The following UTP6 variants were observed in gnomAD, a reference collection of about 807,000 sequenced individuals.
UTP6 encodes UTP6 small subunit processome component.
In UTP6, 60 loss-of-function variants were observed where a neutral mutation model predicts 96.5. That is an observed-to-expected ratio of 0.62 (90% CI 0.51 to 0.77). The LOEUF is 0.77. UTP6 is among the 30% of genes least tolerant of loss of function. The pLI, the probability that UTP6 is intolerant of heterozygous loss-of-function variation, is 0.00. For synonymous variants in UTP6, 215 were observed against 240.1 expected, an observed-to-expected ratio of 0.90 and a Z score of 0.96; for missense variants, 637 against 706.5, an observed-to-expected ratio of 0.90 and a Z score of 1.12.
chr17:31,865,089 G>A (rs1244027814), intron 18 of UTP6, among the ~76,000 whole-genome samples: 1 of 152,184 alleles, frequency 6.6e-6, no homozygotes, highest in Non-Finnish European at 1.5e-5. Flanking sequence ...TATAATCTCA[G>A]CTCACTGCAA....
chr17:31,875,192 G>C (rs745428443), intron 14 of UTP6, 42 bp downstream of exon 14: 3 of 1,607,452 alleles, frequency 1.9e-6, no homozygotes, highest in Non-Finnish European at 1.7e-6. Context: ...GTCTTAAAAG[G>C]TTTCCCAAAT....
chr17:31,879,671 C>CA (rs1180283647), intron 11 of UTP6, among the ~76,000 whole-genome samples: 7 of 148,894 alleles, frequency 4.7e-5, no homozygotes, highest in South Asian at 2.1e-4. Flanking sequence ...GATCCTGTCT[C>CA]AAAAAAAAAC....
rs769640173 is a variant in UTP6, at chr17:31,868,100, G to A, written c.1509C>T (p.Ser503=). ...ARAVFKSLQE[S]RPFSVDFFRK... ...TGAAAAAGTCAACTGAAAATGGTCG[G>A]CTCTCCTGTAAACTAAAAAGGAAGG... is the stretch of plus-strand genomic sequence containing the variant. The change falls in exon 17 of 19, where the codon AGC becomes AGT. Residue 503 remains serine (S), a synonymous_variant. Transcript: ENST00000261708. 6.2e-7 allele frequency: 1 copy of A among 1,612,914 alleles called. No homozygotes were observed. The highest frequency in any genetic ancestry group is 8.5e-7 in the Non-Finnish European group (1 of 1,179,342).
chr17:31,882,119 CTCCTGGG>C lies in UTP6; in HGVS notation c.786-1372_786-1366del, dbSNP rs1437871147. Among the ~76,000 whole-genome samples, 12 of 152,308 alleles carry C rather than the reference CTCCTGGG, an allele frequency of 7.9e-5. No individual in the cohort carries two copies. The East Asian group carries it at 2.3e-3, about 29-fold the overall frequency. ...GATCTCAACTCACTATAACCTCCGC[CTCCTGGG>C]TTCAAGCGATTCTCCTGCCTCAGCC... On this transcript the variant is annotated intron_variant, in intron 10 of 18. Transcript: ENST00000261708.
chr17:31,879,486 A>G (rs1910699357), intron 11 of UTP6, among the ~76,000 whole-genome samples: 1 of 152,090 alleles, frequency 6.6e-6, no homozygotes, highest in Admixed American at 6.6e-5. Flanking sequence ...CCTGGGCAAC[A>G]TGGCAAAACT....
At chr17:31,871,873 C>T (rs1057381411) in intron 16 of UTP6, among the ~76,000 whole-genome samples, 2 of 151,762 alleles carry the variant, frequency 1.3e-5, no homozygotes, top group Admixed American at 1.3e-4. Flanking sequence ...GCCTGGGCAA[C>T]AGAGCAAGAC....
intron 4 of UTP6, among the ~76,000 whole-genome samples, chr17:31,893,952 T>C (rs1250913614): frequency 6.6e-6 from 1 of 151,870 alleles, no homozygotes; most frequent in East Asian, 1.9e-4. Flanking sequence ...ATATAAAATT[T>C]GTCATTACCA....
chr17:31,864,960 GT>G (rs1909731388), intron 18 of UTP6, among the ~76,000 whole-genome samples: 1 of 152,032 alleles, frequency 6.6e-6, no homozygotes, highest in African/African-American at 2.4e-5. Flanking sequence ...AAGGAAACAA[GT>G]TTTATTTTAA....
Position 31,861,591 on chromosome 17 carries a change from G to A in UTP6, c.*1768C>T, listed in dbSNP as rs1466912002. On this transcript the variant is annotated 3_prime_UTR_variant, in exon 19 of 19. Transcript: ENST00000261708. ...GATCACACCACTGCACTCTAGCCTA[G>A]GTGACAAAGCAAGAACTTGTCCAAT... The A allele has an allele frequency of 1.3e-5, 2 of 151,848 alleles. No individual in the cohort carries two copies. Among genetic ancestry groups the A allele is most frequent in the Non-Finnish European group, 2.9e-5 (2 of 67,998 alleles). The allele number at this position is 151,848 out of a possible 1,614,324, so 9.4% of individuals were successfully genotyped here.
chr17:31,900,005 G>A (rs1478551439), intron 1 of UTP6, among the ~76,000 whole-genome samples: 5 of 151,742 alleles, frequency 3.3e-5, no homozygotes, highest in Middle Eastern at 3.2e-3. Flanking sequence ...TTAGCTGGGC[G>A]TGGTGGTGCG....
intron 10 of UTP6, among the ~76,000 whole-genome samples, chr17:31,883,617 A>AT (rs899043894): frequency 6.3e-4 from 91 of 145,492 alleles, no homozygotes; most frequent in Middle Eastern, 3.5e-3. Context: ...GCCTGGCTAG[A>AT]TTTTTTTTTT....
intron 2 of UTP6, among the ~76,000 whole-genome samples, chr17:31,895,908 G>A (rs113981325): frequency 0.016 from 2,443 of 150,924 alleles, 27 homozygotes; most frequent in African/African-American, 0.022. Context: ...GTGTGTGCCT[G>A]TAATCCCAGC....
intron 1 of UTP6, 183 bp downstream of exon 1, chr17:31,901,353 G>T: frequency 1.7e-6 from 1 of 590,818 alleles, no homozygotes; most frequent in Non-Finnish European, 3.0e-6. Flanking sequence ...GTAAGTAGAC[G>T]GACGGATTAC....
chr17:31,897,730 G>A (rs1371317048), intron 2 of UTP6, among the ~76,000 whole-genome samples: 1 of 152,036 alleles, frequency 6.6e-6, no homozygotes, highest in Non-Finnish European at 1.5e-5. Context: ...ATTACAGCAT[G>A]AGCCACCATG....
chr17:31,878,356 T>G, intron 12 of UTP6, 29 bp from the exon 13 acceptor site: 2 of 1,610,862 alleles, frequency 1.2e-6, no homozygotes, highest in African/African-American at 2.7e-5. Flanking sequence ...CTCAGTTCAT[T>G]ACAAAGATCC....
In UTP6 at chr17:31,861,313, A is replaced by G. The variant is rs1463234430; in HGVS notation, c.*2046T>C. 1 of 152,116 alleles carries G rather than the reference A, an allele frequency of 6.6e-6. No homozygotes were observed. Among genetic ancestry groups the G allele is most frequent in the Non-Finnish European group, 1.5e-5 (1 of 68,026 alleles). The allele number at this position is 152,116 out of a possible 1,614,324, so 9.4% of individuals were successfully genotyped here. A position where few individuals can be genotyped will look rare whatever the true frequency, so the allele number is the denominator to read the frequency against. On this transcript the variant is annotated 3_prime_UTR_variant, in exon 19 of 19. Coordinates refer to ENST00000261708, the MANE Select transcript of UTP6 (RefSeq NM_018428.3). ...GAGAAACAAGATATTAATATTCTGA[A>G]TATGTTTTTAAAAACTCTGGCCAGG... is the stretch of plus-strand genomic sequence containing the variant.
Position 31,892,243 on chromosome 17 carries a change from CAA to C in UTP6, c.424+15_424+16del, listed in dbSNP as rs1474167570. 1 of 1,613,198 alleles carries C rather than the reference CAA, an allele frequency of 6.2e-7. No individual in the cohort carries two copies. The highest frequency in any genetic ancestry group is 1.7e-5 in the Admixed American group (1 of 59,810). On this transcript the variant is annotated intron_variant, in intron 6 of 18. Transcript: ENST00000261708. Reference sequence around the variant, plus strand: ...TCTAAATAAAACATAGAAAAATTGACAAAGATTTCACCATACCTGGTTTGTTG... The same window carrying C: ...TCTAAATAAAACATAGAAAAATTGACAGATTTCACCATACCTGGTTTGTTG...
intron 2 of UTP6, among the ~76,000 whole-genome samples, chr17:31,897,273 T>C (rs1335904234): frequency 6.6e-6 from 1 of 151,516 alleles, no homozygotes; most frequent in African/African-American, 2.4e-5. Flanking sequence ...AGAGTGAGTG[T>C]ATTATTTGGA....
intron 9 of UTP6, chr17:31,885,045 C>CAA: frequency 6.8e-6 from 1 of 147,156 alleles, no homozygotes; most frequent in Non-Finnish European, 1.5e-5. Context: ...GACCCTGTCT[C>CAA]AAAAAAAAAA....
Sources: gnomAD v4.1 joint callset for allele counts (sites outside exome capture counted in the v4.1 genomes callset) on GRCh38, gnomAD v4.1.1 for gene constraint, MANE v1.5 for transcripts, NCBI Gene and HGNC (gene_info 2026-07-23, HGNC 2026-07-21) for gene names.